ADGRB3: variants seen among roughly 807,000 people sequenced by gnomAD.
ADGRB3 encodes the protein brain-specific angiogenesis inhibitor 3.
Under a neutral mutation model 193.4 loss-of-function variants are expected in ADGRB3, and 37 were observed. That is an observed-to-expected ratio of 0.19 (90% CI 0.15 to 0.25). ADGRB3 has a LOEUF of 0.25. Ranked by LOEUF, ADGRB3 falls within the 10% of genes least tolerant of loss-of-function variation. The pLI is 1.00. For missense variants in ADGRB3, 1,637 were observed against 1,852.9 expected (o/e 0.88, Z 2.14); for synonymous variants, 690 against 644.2 (o/e 1.07, Z -1.08).
In ADGRB3 at chr6:68,721,637, T is replaced by C. The variant is rs981540164; in HGVS notation, c.757+82205T>C. Among the ~76,000 whole-genome samples the C allele has an allele frequency of 9.5e-5, 13 of 136,368 alleles. No homozygotes were observed. The East Asian group carries it at 2.4e-3, about 25-fold the overall frequency. 89.5% of individuals were successfully genotyped at this position (136,368 alleles called of 152,430 possible). A position where few individuals can be genotyped will look rare whatever the true frequency, so the allele number is the denominator to read the frequency against. ...ACTTAAAGTATAATAAATATATATA[T>C]ATATATATATATATATATAAATTAT... is the stretch of plus-strand genomic sequence containing the variant. On this transcript the variant is annotated intron_variant, in intron 3 of 31. Coordinates refer to ENST00000370598, the MANE Select transcript of ADGRB3 (RefSeq NM_001704.3).
chr6:69,388,654 T>TG, intron 31 of ADGRB3, 49 bp from the exon 32 acceptor site: 4 of 1,541,294 alleles, frequency 2.6e-6, no homozygotes, highest in Non-Finnish European at 3.5e-6. Flanking sequence ...CAACTAGCGG[T>TG]GATCCTGGTC....
chr6:68,789,341 G>A (rs1197628187), intron 3 of ADGRB3, among the ~76,000 whole-genome samples: 2 of 152,088 alleles, frequency 1.3e-5, no homozygotes, highest in Admixed American at 6.5e-5. Context: ...CTCTTTTAGG[G>A]CAGGCCTGGT....
intron 17 of ADGRB3, among the ~76,000 whole-genome samples, chr6:69,162,811 A>G (rs537601356): frequency 2.0e-5 from 3 of 152,258 alleles, no homozygotes; most frequent in South Asian, 4.1e-4. Context: ...GCATGGGAGT[A>G]CATGGTGCTT....
At chr6:68,926,277 AT>A (rs1767178141) in intron 3 of ADGRB3, among the ~76,000 whole-genome samples, 1 of 152,118 alleles carries the variant, frequency 6.6e-6, no homozygotes, top group African/African-American at 2.4e-5. Flanking sequence ...GAGTAAGACA[AT>A]CTAATAATTA....
chr6:68,938,058 T>A (rs148662132), intron 5 of ADGRB3, among the ~76,000 whole-genome samples: 1,564 of 151,920 alleles, frequency 0.01, 43 homozygotes, highest in African/African-American at 0.036. Context: ...AAGCAGTAGA[T>A]GAAGTAGAAT....
At chr6:68,883,571 C>T (rs545607239) in intron 3 of ADGRB3, among the ~76,000 whole-genome samples, 55 of 152,300 alleles carry the variant, frequency 3.6e-4, no homozygotes, top group African/African-American at 1.3e-3. Context: ...AGACCACGAA[C>T]TCACTGGGAG....
chr6:68,793,053 C>T (rs547467599), intron 3 of ADGRB3, among the ~76,000 whole-genome samples: 77 of 151,098 alleles, frequency 5.1e-4, no homozygotes, highest in African/African-American at 1.8e-3. Flanking sequence ...TTTTCATTTT[C>T]TTTATGTCAG....
At chr6:68,985,706 T>A (rs1183148236) in intron 10 of ADGRB3, among the ~76,000 whole-genome samples, 1 of 152,172 alleles carries the variant, frequency 6.6e-6, no homozygotes, top group African/African-American at 2.4e-5. Flanking sequence ...ATATGCGGTG[T>A]GATAAATATT....
chr6:68,641,327 T>G (rs1458162667), intron 3 of ADGRB3, among the ~76,000 whole-genome samples: 1 of 152,068 alleles, frequency 6.6e-6, no homozygotes, highest in Non-Finnish European at 1.5e-5. Flanking sequence ...GAGATGTGGG[T>G]TAAGATAATG....
At chr6:68,794,739 TAATC>T (rs1249719896) in intron 3 of ADGRB3, among the ~76,000 whole-genome samples, 1 of 152,136 alleles carries the variant, frequency 6.6e-6, no homozygotes, top group Non-Finnish European at 1.5e-5. Context: ...GTTTTGAAAT[TAATC>T]TTTTCTGAGA....
At chr6:68,925,581 A>T (rs2150244113) in intron 3 of ADGRB3, among the ~76,000 whole-genome samples, 1 of 152,094 alleles carries the variant, frequency 6.6e-6, no homozygotes. Context: ...CTAATGTAAG[A>T]TTGTATGGCT....
intron 3 of ADGRB3, among the ~76,000 whole-genome samples, chr6:68,804,997 A>C (rs1167473137): frequency 6.6e-6 from 1 of 151,984 alleles, no homozygotes; most frequent in Non-Finnish European, 1.5e-5. Flanking sequence ...GCATAATCAT[A>C]GTTGACTGCA....
At chr6:69,105,288 T>C (rs1402544951) in intron 17 of ADGRB3, among the ~76,000 whole-genome samples, 3 of 152,164 alleles carry the variant, frequency 2.0e-5, no homozygotes, top group Non-Finnish European at 4.4e-5. Flanking sequence ...TTTCCAGGGA[T>C]CTAATGAAGA....
rs117107540 is a variant in ADGRB3, at chr6:69,358,920, C to T, written c.3596-1949C>T. On this transcript the variant is annotated intron_variant, in intron 28 of 31. Transcript: ENST00000370598. ...AGAATTATCTTTCTTTACACACACA[C>T]GTATATATATATATATTTTTTTTCA... Among the ~76,000 whole-genome samples the T allele has an allele frequency of 2.8e-4, 42 of 151,416 alleles. No individual in the cohort carries two copies. In the South Asian group the frequency reaches 8.7e-3, roughly 31 times the overall value.
At chr6:69,212,199 A>C (rs573624772) in intron 17 of ADGRB3, among the ~76,000 whole-genome samples, 5 of 152,020 alleles carry the variant, frequency 3.3e-5, no homozygotes, top group Admixed American at 3.3e-4. Context: ...TTTGTTGCTT[A>C]TTTGCCTGTG....
chr6:69,105,600 G>C (rs1773183814), intron 17 of ADGRB3, among the ~76,000 whole-genome samples: 1 of 152,070 alleles, frequency 6.6e-6, no homozygotes, highest in African/African-American at 2.4e-5. Flanking sequence ...CCCCGTTTCT[G>C]CCAGGGCTAG....
chr6:69,214,464 G>A (rs545464217), intron 17 of ADGRB3, among the ~76,000 whole-genome samples: 140 of 152,138 alleles, frequency 9.2e-4, no homozygotes, highest in African/African-American at 3.3e-3. Context: ...TTGGGGGACA[G>A]GTACTATATT....
At chr6:69,370,514 T>C (rs1426891338) in intron 29 of ADGRB3, among the ~76,000 whole-genome samples, 1 of 152,132 alleles carries the variant, frequency 6.6e-6, no homozygotes, top group Non-Finnish European at 1.5e-5. Flanking sequence ...CTATGCCTTA[T>C]GTTAGAATTT....
chr6:69,381,175 T>C (rs182686777), intron 30 of ADGRB3, among the ~76,000 whole-genome samples: 18 of 151,950 alleles, frequency 1.2e-4, no homozygotes, highest in Admixed American at 1.1e-3. Flanking sequence ...CCCCATTGAG[T>C]TGCTTATGCA....
Sources: gnomAD v4.1 joint callset for allele counts (sites outside exome capture counted in the v4.1 genomes callset) on GRCh38, gnomAD v4.1.1 for gene constraint, MANE v1.5 for transcripts, NCBI Gene and HGNC (gene_info 2026-07-23, HGNC 2026-07-21) for gene names.